Variants in ZNF48 observed in about 807,000 individuals in gnomAD.
ZNF48 encodes the protein zinc finger protein 48, also known as zinc finger protein 553.
In ZNF48, 20 loss-of-function variants were observed where a neutral mutation model predicts 40.0. The ratio of observed to expected loss-of-function variants is 0.50; its 90% CI spans 0.35 to 0.73. The LOEUF is 0.73. ZNF48 is among the 30% of genes least tolerant of loss of function. The pLI, the probability that ZNF48 is intolerant of heterozygous loss-of-function variation, is 0.01. For synonymous variants in ZNF48, 298 were observed against 329.7 expected (o/e 0.90, Z 1.04); for missense variants, 726 against 851.9 (o/e 0.85, Z 1.84).
At position 30,382,994 on chromosome 16, in the gene ZNF48, G is replaced by A; in HGVS notation, c.-16+4584G>A. ...TTCCAGACCAGCCTGGGCAACAGAG[G>A]GACGTGCCCCTCTACCATCTCTACA... On this transcript the variant is annotated intron_variant, in intron 1 of 2. Coordinates refer to the ZNF48 transcript ENST00000528032. The surrounding 1 kb of genome is among the most constrained non-coding windows in gnomAD (Gnocchi z 4.8). 1.7e-6 allele frequency: 1 copy of A among 602,692 alleles called. No homozygotes were observed. Among genetic ancestry groups the A allele is most frequent in the African/African-American group, 1.8e-5 (1 of 54,216 alleles). The allele number at this position is 602,692 out of a possible 1,614,324, so 37.3% of individuals were successfully genotyped here.
At chr16:30,380,834 T>C in intron 1 of ZNF48, 1 of 459,134 alleles carries the variant, frequency 2.2e-6, no homozygotes, top group Admixed American at 3.5e-5. Context: ...GAAAGGGCTC[T>C]GAAGACACGG....
chr16:30,392,415 G>A (rs2049949934), upstream of ZNF48, among the ~76,000 whole-genome samples: 2 of 152,092 alleles, frequency 1.3e-5, no homozygotes, highest in South Asian at 2.1e-4. Flanking sequence ...GCCTCCCGAG[G>A]TGTTGGGATT....
At chr16:30,380,149 G>C in intron 1 of ZNF48, 1 of 744,448 alleles carries the variant, frequency 1.3e-6, no homozygotes, top group Non-Finnish European at 2.0e-6. Flanking sequence ...AGAAAGACAT[G>C]AAAGACAGAG....
chr16:30,387,723 T>G (rs1356049900), intron 1 of ZNF48, among the ~76,000 whole-genome samples: 1 of 150,884 alleles, frequency 6.6e-6, no homozygotes, highest in Non-Finnish European at 1.5e-5. Flanking sequence ...CATACCTGAC[T>G]AATTTTTGTA....
rs924640120 is a variant in ZNF48, at chr16:30,398,304, A to G, written c.1054A>G (p.Thr352Ala). 2 of 1,613,534 alleles carry G rather than the reference A, an allele frequency of 1.2e-6. No individual in the cohort carries two copies. The highest frequency in any genetic ancestry group is 1.1e-5 in the South Asian group (1 of 91,070). ...DSSARVKHLR[T>A]HSGERPHACP... The stretch of plus-strand genomic sequence containing the variant: ...CTCCGCCCGAGTCAAACACCTCCGC[A>G]CCCACAGTGGCGAGAGGCCCCATGC... Residue 352 changes from threonine to alanine, a missense_variant, in exon 3 of 3, where the codon ACC (threonine) becomes GCC (alanine). This residue lies in a region of ZNF48 where 378 missense variants were observed against 449.1 expected (regional missense o/e 0.84). Coordinates refer to ENST00000613509, the MANE Select transcript of ZNF48 (RefSeq NM_001214909.2). This position sits in a 1 kb window ranked among gnomAD's most constrained non-coding sequence, Gnocchi z 6.6.
Position 30,395,931 on chromosome 16 carries a change from G to A in ZNF48, c.79+58G>A. 1 of 1,433,074 alleles carries A rather than the reference G, an allele frequency of 7.0e-7. No homozygotes were observed. Among genetic ancestry groups the A allele is most frequent in the Non-Finnish European group, 9.3e-7 (1 of 1,079,268 alleles). The allele number at this position is 1,433,074 out of a possible 1,614,324, so 88.8% of individuals were successfully genotyped here. ...GGTAACGGCCGGTGGGGACTGCGATGCTTGGCTGTGGCCGGCCGAGATCCT... is the reference window on the plus strand; with the variant it reads ...GGTAACGGCCGGTGGGGACTGCGATACTTGGCTGTGGCCGGCCGAGATCCT... On this transcript the variant is annotated intron_variant, in intron 2 of 2. Transcript: ENST00000613509. This position sits in a 1 kb window ranked among gnomAD's most constrained non-coding sequence, Gnocchi z 5.9.
rs1281165197 is a variant in ZNF48, at chr16:30,395,776, T to C, written c.-15-4T>C. 1 of 1,531,522 alleles carries C rather than the reference T, an allele frequency of 6.5e-7. No individual in the cohort carries two copies. Among genetic ancestry groups the C allele is most frequent in the African/African-American group, 1.4e-5 (1 of 72,550 alleles). 94.9% of individuals were successfully genotyped at this position (1,531,522 alleles called of 1,614,324 possible). A position where few individuals can be genotyped will look rare whatever the true frequency, so the allele number is the denominator to read the frequency against. ...CGCGGGATGCTGTCTGTCCCCTTGC[T>C]CAGGGCGGCGTGCCGGCGATGGAGC... On this transcript the variant is annotated splice_region_variant and splice_polypyrimidine_tract_variant and intron_variant, in intron 1 of 2. Transcript: ENST00000613509. This position sits in a 1 kb window ranked among gnomAD's most constrained non-coding sequence, Gnocchi z 5.9.
At position 30,397,481 on chromosome 16, in the gene ZNF48, C is replaced by T. The variant is rs1281231407; in HGVS notation, c.231C>T (p.Asp77=). 2 of 1,614,010 alleles carry T rather than the reference C, an allele frequency of 1.2e-6. No homozygotes were observed. The highest frequency in any genetic ancestry group is 2.7e-5 in the African/African-American group (2 of 74,900). Residue 77 remains aspartate, a synonymous_variant, in exon 3 of 3, where the codon GAC becomes GAT. Coordinates refer to ENST00000613509, the MANE Select transcript of ZNF48 (RefSeq NM_001214909.2). The surrounding 1 kb of genome is among the most constrained non-coding windows in gnomAD (Gnocchi z 4.1). ...CTGAAGGCATCCAGAACTGGGATGA[C>T]TTATGGGTCCAGAGAGAGGGTCTAG... ...LKPEGIQNWD[D]LWVQREGLGK...
At position 30,397,724 on chromosome 16, in the gene ZNF48, C is replaced by T; in HGVS notation, c.474C>T (p.His158=). ...GFGDSSARIK[H]QRTHSGEKPY... ...GGGATAGCTCTGCCCGGATCAAACA[C>T]CAGCGGACTCATAGTGGGGAGAAGC... The change falls in exon 3 of 3, where the codon CAC becomes CAT. Residue 158 remains histidine, a synonymous_variant. Transcript: ENST00000613509. The surrounding 1 kb of genome is among the most constrained non-coding windows in gnomAD (Gnocchi z 4.1). 1.9e-6 allele frequency: 3 copies of T among 1,613,864 alleles called. No individual in the cohort carries two copies. Among genetic ancestry groups the T allele is most frequent in the Non-Finnish European group, 2.5e-6 (3 of 1,179,968 alleles).
In ZNF48 at chr16:30,381,274, C is replaced by T. The variant is rs754138123; in HGVS notation, c.-16+2864C>T. The T allele has an allele frequency of 1.2e-6, 2 of 1,612,350 alleles. No homozygotes were observed. The highest frequency in any genetic ancestry group is 1.7e-6 in the Non-Finnish European group (2 of 1,178,420). On this transcript the variant is annotated intron_variant, in intron 1 of 2. Coordinates refer to the ZNF48 transcript ENST00000528032. This position sits in a 1 kb window ranked among gnomAD's most constrained non-coding sequence, Gnocchi z 4.3. ...ACCCAGGGATTGGTCATTGCCCAGC[C>T]TCAGGGGGCAGAGACCCCCCAGCCC... is the stretch of plus-strand genomic sequence containing the variant.
At position 30,381,573 on chromosome 16, in the gene ZNF48, C is replaced by T; in HGVS notation, c.-16+3163C>T. On this transcript the variant is annotated intron_variant, in intron 1 of 2. Coordinates refer to the ZNF48 transcript ENST00000528032. This position sits in a 1 kb window ranked among gnomAD's most constrained non-coding sequence, Gnocchi z 4.3. ...GGAGTAGAATGTCATTTCTTTGGCT[C>T]CCTCCAAAGACATTAAGGGGAACTG... is the stretch of plus-strand genomic sequence containing the variant. 6.6e-7 allele frequency: 1 copy of T among 1,514,316 alleles called. No individual in the cohort carries two copies. The highest frequency in any genetic ancestry group is 9.1e-7 in the Non-Finnish European group (1 of 1,102,030). The allele number at this position is 1,514,316 out of a possible 1,614,324, so 93.8% of individuals were successfully genotyped here. A position where few individuals can be genotyped will look rare whatever the true frequency, so the allele number is the denominator to read the frequency against.
At chr16:30,378,317 C>G in exon 1 of ZNF48, 1 of 1,021,754 alleles carries the variant, frequency 9.8e-7, no homozygotes, top group Non-Finnish European at 1.4e-6. Flanking sequence ...TCCCCCTAGC[C>G]CGCGCGAGGG....
chr16:30,396,150 C>T (rs1392618099), intron 2 of ZNF48, among the ~76,000 whole-genome samples: 1 of 152,210 alleles, frequency 6.6e-6, no homozygotes, highest in Non-Finnish European at 1.5e-5. Flanking sequence ...AGCCTCCTCT[C>T]TGCCCCTTTC....
Position 30,382,351 on chromosome 16 carries a change from C to T in ZNF48, c.-16+3941C>T, listed in dbSNP as rs916707242. 6.2e-6 allele frequency: 10 copies of T among 1,612,582 alleles called. No homozygotes were observed. The highest frequency in any genetic ancestry group is 8.5e-6 in the Non-Finnish European group (10 of 1,179,212). On this transcript the variant is annotated intron_variant, in intron 1 of 2. Coordinates refer to the ZNF48 transcript ENST00000528032. The surrounding 1 kb of genome is among the most constrained non-coding windows in gnomAD (Gnocchi z 4.8). ...GCTGGTTGGGGAGGGCAGCAAAACCCACGTACTCCTTGTCCTATGGATGGG... is the reference window on the plus strand; with the variant it reads ...GCTGGTTGGGGAGGGCAGCAAAACCTACGTACTCCTTGTCCTATGGATGGG...
Position 30,382,218 on chromosome 16 carries a change from C to G in ZNF48, c.-16+3808C>G, listed in dbSNP as rs769136905. The G allele has an allele frequency of 3.7e-6, 6 of 1,612,636 alleles. No individual in the cohort carries two copies. The East Asian group carries it at 6.7e-5, about 18-fold the overall frequency. Reference sequence around the variant, plus strand: ...AGGCCCAACTGGTCAGGGGAGGGGACAGCCAGGGCCTCCTAAGGACATCCC... The same window carrying G: ...AGGCCCAACTGGTCAGGGGAGGGGAGAGCCAGGGCCTCCTAAGGACATCCC... On this transcript the variant is annotated intron_variant, in intron 1 of 2. Coordinates refer to the ZNF48 transcript ENST00000528032. This position sits in a 1 kb window ranked among gnomAD's most constrained non-coding sequence, Gnocchi z 4.8.
rs745800723 is a variant in ZNF48 at position 30,398,778 on chromosome 16, C to T, written c.1528C>T (p.Pro510Ser). 1 of 1,613,802 alleles carries T rather than the reference C, an allele frequency of 6.2e-7. No homozygotes were observed. The highest frequency in any genetic ancestry group is 8.5e-7 in the Non-Finnish European group (1 of 1,180,018). Residue 510 changes from proline (P) to serine (S), a missense_variant, in exon 3 of 3, where the codon CCA (proline) becomes TCA (serine). Pro to Ser is a moderately conservative substitution (Grantham distance 74). Transcript: ENST00000613509. The surrounding 1 kb of genome is among the most constrained non-coding windows in gnomAD (Gnocchi z 6.6). ...CCGTGGTGAACGGGCCCGGCCACCA[C>T]CACCATCCACTCTGCTGCGGCCACA... ...THRGERARPPPPSTLLRPHNP... is the reference protein window; with the variant it reads ...THRGERARPPSPSTLLRPHNP...
At chr16:30,394,133 G>GT (rs2049962213), upstream of ZNF48, among the ~76,000 whole-genome samples, 1 of 151,938 alleles carries the variant, frequency 6.6e-6, no homozygotes, top group South Asian at 2.1e-4. Context: ...GAATGCCCAG[G>GT]TTCAGGGAAT....
upstream of ZNF48, among the ~76,000 whole-genome samples, chr16:30,392,188 A>G (rs1308375683): frequency 6.6e-6 from 1 of 151,840 alleles, no homozygotes; most frequent in Non-Finnish European, 1.5e-5. Flanking sequence ...ACGCCCATCT[A>G]ATTTTTTTGT....
chr16:30,381,068 TA>T lies in ZNF48; in HGVS notation c.-16+2660del. On this transcript the variant is annotated intron_variant, in intron 1 of 2. Coordinates refer to the ZNF48 transcript ENST00000528032. This position sits in a 1 kb window ranked among gnomAD's most constrained non-coding sequence, Gnocchi z 4.3. ...AGGCCACTTCAAGATCAAAGAAGTC[TA>T]AGCTGAAATCAGGTTTGGCTTCACA... 7.5e-7 allele frequency: 1 copy of T among 1,327,196 alleles called. No homozygotes were observed. 82.2% of individuals were successfully genotyped at this position (1,327,196 alleles called of 1,614,324 possible). A position where few individuals can be genotyped will look rare whatever the true frequency, so the allele number is the denominator to read the frequency against.
Sources: gnomAD v4.1 joint callset for allele counts (sites outside exome capture counted in the v4.1 genomes callset) on GRCh38, gnomAD v4.1.1 for gene constraint, gnomAD v4.1.1 regional missense constraint, Gnocchi (gnomAD v3.1) non-coding constraint, MANE v1.5 for transcripts, NCBI Gene and HGNC (gene_info 2026-07-23, HGNC 2026-07-21) for gene names.